The following WWOX variants were observed in gnomAD, a reference collection of about 807,000 sequenced individuals.
WWOX encodes WW domain-containing oxidoreductase.
Under a neutral mutation model 46.2 loss-of-function variants are expected in WWOX, and 69 were observed. The ratio of observed to expected loss-of-function variants is 1.49; its 90% CI spans 1.23 to 1.82. WWOX has a LOEUF of 1.82. Ranked by LOEUF, WWOX falls within the 40% of genes most tolerant of loss-of-function variation. The probability of loss-of-function intolerance (pLI) is 0.00; values close to 1 mark genes in which losing one functional copy is unlikely to be tolerated. For synonymous variants in WWOX, 359 were observed against 202.6 expected (o/e 1.77, Z -6.56); for missense variants, 919 against 542.6 (o/e 1.69, Z -6.89).
chr16:78,528,249 C>T lies in WWOX; in HGVS notation c.1056+95497C>T, dbSNP rs543602167. Reference sequence around the variant, plus strand: ...CAGGATGGTCTCGGTCTGCTGATCTCGTAATCCGCCCACCTCGGCCTCACA... The same window carrying T: ...CAGGATGGTCTCGGTCTGCTGATCTTGTAATCCGCCCACCTCGGCCTCACA... On this transcript the variant is annotated intron_variant, in intron 8 of 8. Transcript: ENST00000566780. 1.1e-3 allele frequency among the ~76,000 whole-genome samples: 152 copies of T among 141,322 alleles called. 1 individual carries two copies. Among genetic ancestry groups the T allele is most frequent in the African/African-American group, 3.8e-3 (143 of 37,702 alleles). 92.7% of individuals were successfully genotyped at this position (141,322 alleles called of 152,430 possible). A position where few individuals can be genotyped will look rare whatever the true frequency, so the allele number is the denominator to read the frequency against.
chr16:78,896,286 A>G (rs1009013187), intron 8 of WWOX: 1 of 151,894 alleles, frequency 6.6e-6, no homozygotes, highest in Non-Finnish European at 1.5e-5. Context: ...AGTCATTTTC[A>G]GAGACAAAAA....
At chr16:78,286,379 TC>T (rs1332079821) in intron 5 of WWOX, among the ~76,000 whole-genome samples, 1 of 152,066 alleles carries the variant, frequency 6.6e-6, no homozygotes, top group East Asian at 1.9e-4. Context: ...GTGGGGGTTG[TC>T]CCCCCCTTTT....
chr16:78,970,943 T>G (rs1225363295), intron 8 of WWOX, among the ~76,000 whole-genome samples: 1 of 152,190 alleles, frequency 6.6e-6, no homozygotes, highest in Non-Finnish European at 1.5e-5. Context: ...TGCTTACTTC[T>G]GCAGCAGATT....
At chr16:78,940,420 C>G (rs1246169151) in intron 8 of WWOX, among the ~76,000 whole-genome samples, 1 of 152,264 alleles carries the variant, frequency 6.6e-6, no homozygotes, top group East Asian at 1.9e-4. Flanking sequence ...CAAAGCTGAC[C>G]TTGAAATTGC....
At chr16:78,129,291 A>G (rs1864097188) in intron 4 of WWOX, among the ~76,000 whole-genome samples, 1 of 152,116 alleles carries the variant, frequency 6.6e-6, no homozygotes, top group Non-Finnish European at 1.5e-5. Context: ...ACATGTTTGC[A>G]TCTCACTTGT....
intron 8 of WWOX, among the ~76,000 whole-genome samples, chr16:78,770,916 A>G (rs1240781119): frequency 6.6e-6 from 1 of 152,238 alleles, no homozygotes; most frequent in Non-Finnish European, 1.5e-5. Context: ...CGAGGAGCGT[A>G]AGAATTATTA....
Position 78,109,839 on chromosome 16 carries a change from A to C in WWOX, c.230+4A>C. ...ACGGACAAGTGTTTTTTGTTGAGTA[A>C]GTGTCTGCAAAGAAACCACTCTCAG... is the stretch of plus-strand genomic sequence containing the variant. On this transcript the variant is annotated splice_donor_region_variant and intron_variant, in intron 3 of 8. Coordinates refer to ENST00000566780, the MANE Select transcript of WWOX (RefSeq NM_016373.4). The C allele has an allele frequency of 6.2e-7, 1 of 1,614,182 alleles. No individual in the cohort carries two copies. The highest frequency in any genetic ancestry group is 8.5e-7 in the Non-Finnish European group (1 of 1,180,032).
At chr16:78,957,271 C>T (rs1226599911) in intron 8 of WWOX, among the ~76,000 whole-genome samples, 1 of 152,220 alleles carries the variant, frequency 6.6e-6, no homozygotes, top group African/African-American at 2.4e-5. Flanking sequence ...GAGATACCGA[C>T]ATGCGTGACG....
At chr16:78,784,711 C>T (rs1465375730) in intron 8 of WWOX, among the ~76,000 whole-genome samples, 1 of 152,144 alleles carries the variant, frequency 6.6e-6, no homozygotes, top group African/African-American at 2.4e-5. Flanking sequence ...TGCCCCCAGT[C>T]AGGTGGTTGA....
intron 8 of WWOX, among the ~76,000 whole-genome samples, chr16:79,190,041 T>A (rs1275924907): frequency 6.6e-6 from 1 of 152,130 alleles, no homozygotes; most frequent in African/African-American, 2.4e-5. Context: ...ATTATTATTA[T>A]TATTTTTTGA....
chr16:78,763,470 C>T (rs895456561), intron 8 of WWOX, among the ~76,000 whole-genome samples: 7 of 152,290 alleles, frequency 4.6e-5, no homozygotes, highest in East Asian at 1.9e-4. Context: ...GACATTGGCT[C>T]TTTGGGATAG....
At chr16:78,991,638 G>A (rs1036841296) in intron 8 of WWOX, among the ~76,000 whole-genome samples, 2 of 144,470 alleles carry the variant, frequency 1.4e-5, no homozygotes, top group African/African-American at 2.5e-5. Context: ...ACCTACCAGT[G>A]GTGGGGCCCC....
intron 8 of WWOX, among the ~76,000 whole-genome samples, chr16:78,844,453 G>C (rs2052244403): frequency 2.0e-5 from 3 of 152,050 alleles, no homozygotes; most frequent in African/African-American, 2.4e-5. Context: ...GAAGATAATA[G>C]GGAAGCCTTC....
At chr16:78,500,673 A>T (rs1401983057) in intron 8 of WWOX, among the ~76,000 whole-genome samples, 4 of 152,214 alleles carry the variant, frequency 2.6e-5, no homozygotes, top group African/African-American at 9.6e-5. Context: ...GGTTATTCCA[A>T]GCAGTCTTCC....
intron 5 of WWOX, among the ~76,000 whole-genome samples, chr16:78,331,397 T>C (rs1484547504): frequency 6.6e-6 from 1 of 152,242 alleles, no homozygotes; most frequent in Non-Finnish European, 1.5e-5. Flanking sequence ...AACCAGGTAA[T>C]AAACCAATTA....
At chr16:78,715,570 G>A (rs936720439) in intron 8 of WWOX, among the ~76,000 whole-genome samples, 3 of 149,154 alleles carry the variant, frequency 2.0e-5, no homozygotes, top group East Asian at 2.0e-4. Flanking sequence ...TGCAACCTCC[G>A]CCTCTTGGGT....
chr16:78,217,690 C>T (rs915291618), intron 5 of WWOX, among the ~76,000 whole-genome samples: 10 of 151,938 alleles, frequency 6.6e-5, no homozygotes, highest in Non-Finnish European at 1.2e-4. Context: ...ATGCCTGAGA[C>T]GTTAAAGGCA....
At chr16:78,814,979 A>G (rs952238080) in intron 8 of WWOX, among the ~76,000 whole-genome samples, 3 of 151,852 alleles carry the variant, frequency 2.0e-5, no homozygotes, top group Non-Finnish European at 4.4e-5. Context: ...TAGCAATTTA[A>G]TTTTCAGGCT....
chr16:78,947,792 C>G (rs1440453885), intron 8 of WWOX, among the ~76,000 whole-genome samples: 2 of 152,052 alleles, frequency 1.3e-5, no homozygotes, highest in East Asian at 1.9e-4. Context: ...AATTGGAAAC[C>G]TAATTTTAGA....
Sources: gnomAD v4.1 joint callset for allele counts (sites outside exome capture counted in the v4.1 genomes callset) on GRCh38, gnomAD v4.1.1 for gene constraint, MANE v1.5 for transcripts, NCBI Gene and HGNC (gene_info 2026-07-23, HGNC 2026-07-21) for gene names.